PEBP4: variants seen among roughly 807,000 people sequenced by gnomAD.
PEBP4 encodes phosphatidylethanolamine binding protein 4.
PEBP4 carries 22 observed loss-of-function variants against 23.9 expected under a neutral mutation model. The observed-to-expected ratio is 0.92, with a 90% CI of 0.66 to 1.31. The LOEUF (loss-of-function observed/expected upper bound fraction) is 1.31, where lower values mean the gene tolerates loss of function less well. Among genes scored for constraint, PEBP4 ranks in the 40% most tolerant of loss-of-function variants. PEBP4 has a pLI of 0.00. For missense variants in PEBP4, 324 were observed against 281.7 expected, an observed-to-expected ratio of 1.15 and a Z score of -1.07; for synonymous variants, 112 against 99.3, an observed-to-expected ratio of 1.13 and a Z score of -0.76.
intron 3 of PEBP4, among the ~76,000 whole-genome samples, chr8:22,872,140 G>T (rs532499841): frequency 6.6e-6 from 1 of 152,262 alleles, no homozygotes; most frequent in East Asian, 1.9e-4. Flanking sequence ...GTATCCTATG[G>T]TATGTATACA....
At chr8:22,884,650 G>T (rs1402923063) in intron 3 of PEBP4, 1 of 152,144 alleles carries the variant, frequency 6.6e-6, no homozygotes, top group East Asian at 1.9e-4. Context: ...CTTGACAAAG[G>T]GCCATTTCCC....
At chr8:22,911,941 T>A (rs2128778981) in intron 3 of PEBP4, among the ~76,000 whole-genome samples, 1 of 152,272 alleles carries the variant, frequency 6.6e-6, no homozygotes, top group South Asian at 2.1e-4. Context: ...GGCTGGGAGC[T>A]TTCAGTGGAT....
intron 3 of PEBP4, among the ~76,000 whole-genome samples, chr8:22,837,183 G>A (rs914387858): frequency 6.6e-6 from 1 of 152,142 alleles, no homozygotes; most frequent in Non-Finnish European, 1.5e-5. Flanking sequence ...CTTGAGCGAG[G>A]TCTGCGCTAG....
intron 4 of PEBP4, among the ~76,000 whole-genome samples, chr8:22,764,935 G>A (rs1293079240): frequency 6.6e-6 from 1 of 152,070 alleles, no homozygotes; most frequent in Non-Finnish European, 1.5e-5. Context: ...AGGACCAGTG[G>A]GTCAGAGAGA....
chr8:22,913,985 C>CTTTT (rs1165242168), intron 3 of PEBP4, among the ~76,000 whole-genome samples: 5 of 123,120 alleles, frequency 4.1e-5, no homozygotes, highest in Non-Finnish European at 3.4e-5. Flanking sequence ...GGCCTGGCTA[C>CTTTT]TTTTTTTTTT....
chr8:22,867,750 C>T (rs1177073938), intron 3 of PEBP4, among the ~76,000 whole-genome samples: 1 of 152,184 alleles, frequency 6.6e-6, no homozygotes, highest in Non-Finnish European at 1.5e-5. Flanking sequence ...CCTTTGCTCA[C>T]GTCATTGCAT....
chr8:22,781,441 C>T (rs981381651), intron 4 of PEBP4, among the ~76,000 whole-genome samples: 1 of 152,206 alleles, frequency 6.6e-6, no homozygotes, highest in Non-Finnish European at 1.5e-5. Context: ...TGCTTAGTCA[C>T]CGCTTTTTAC....
At chr8:22,847,243 CG>C (rs1054899666) in intron 3 of PEBP4, among the ~76,000 whole-genome samples, 12 of 152,036 alleles carry the variant, frequency 7.9e-5, no homozygotes, top group African/African-American at 2.9e-4. Flanking sequence ...GGGTCAGAGC[CG>C]AAAGTCAGAT....
chr8:22,928,790 C>T (rs1809406491), upstream of PEBP4, among the ~76,000 whole-genome samples: 1 of 152,158 alleles, frequency 6.6e-6, no homozygotes, highest in South Asian at 2.1e-4. Context: ...TTCCTTTTCA[C>T]AAACAAGTAA....
Position 22,755,493 on chromosome 8 carries a change from A to G in PEBP4, c.358-28273T>C, listed in dbSNP as rs1805361787. On this transcript the variant is annotated intron_variant, in intron 4 of 6. Coordinates refer to ENST00000256404, the MANE Select transcript of PEBP4 (RefSeq NM_144962.3). ...TGGGATTACAGGTGCCCGCCACCAC[A>G]CTCAGCTAATTTTTGTATTTTTAGT... 2.0e-5 allele frequency among the ~76,000 whole-genome samples: 3 copies of G among 151,574 alleles called. No homozygotes were observed. The South Asian group carries it at 6.3e-4, about 32-fold the overall frequency.
intron 3 of PEBP4, among the ~76,000 whole-genome samples, chr8:22,862,401 C>T (rs1419939415): frequency 6.6e-6 from 1 of 151,968 alleles, no homozygotes; most frequent in Non-Finnish European, 1.5e-5. Flanking sequence ...AGTGATTCAG[C>T]GATTAATGTC....
intron 4 of PEBP4, among the ~76,000 whole-genome samples, chr8:22,796,121 C>G (rs1193267248): frequency 6.6e-6 from 1 of 152,216 alleles, no homozygotes; most frequent in Non-Finnish European, 1.5e-5. Context: ...CCTCACATTG[C>G]TGTGTTGGCG....
At chr8:22,716,148 T>C (rs28399062) in intron 6 of PEBP4, among the ~76,000 whole-genome samples, 8,350 of 152,240 alleles carry the variant, frequency 0.055, 305 homozygotes, top group African/African-American at 0.097. Context: ...GTCTGATGCC[T>C]GTCTCATGAG....
chr8:22,918,441 G>A (rs565391977), intron 3 of PEBP4, among the ~76,000 whole-genome samples: 30 of 152,280 alleles, frequency 2.0e-4, no homozygotes, highest in African/African-American at 6.5e-4. Context: ...AGGATGTGGC[G>A]TGGGTGATGT....
intron 3 of PEBP4, among the ~76,000 whole-genome samples, chr8:22,857,650 G>A (rs1409335565): frequency 6.6e-6 from 1 of 152,208 alleles, no homozygotes; most frequent in Non-Finnish European, 1.5e-5. Context: ...GGAGCAAAGA[G>A]AGTTGATTCT....
chr8:22,842,039 G>T (rs1037720016), intron 3 of PEBP4, among the ~76,000 whole-genome samples: 2 of 152,222 alleles, frequency 1.3e-5, no homozygotes, highest in African/African-American at 4.8e-5. Flanking sequence ...AAGTTACTAG[G>T]AGTACAAATG....
intron 3 of PEBP4, among the ~76,000 whole-genome samples, chr8:22,836,950 C>T (rs1563232262): frequency 6.6e-6 from 1 of 150,614 alleles, no homozygotes; most frequent in Non-Finnish European, 1.5e-5. Context: ...AAGTAGCAAT[C>T]AGACAAATAT....
intron 4 of PEBP4, among the ~76,000 whole-genome samples, chr8:22,740,944 T>C (rs1442622451): frequency 1.3e-5 from 2 of 152,064 alleles, no homozygotes; most frequent in Non-Finnish European, 1.5e-5. Context: ...TTAGCTCCTT[T>C]CCCCCAGATC....
intron 3 of PEBP4, among the ~76,000 whole-genome samples, chr8:22,889,926 T>A (rs1254464003): frequency 6.6e-6 from 1 of 152,230 alleles, no homozygotes; most frequent in Non-Finnish European, 1.5e-5. Flanking sequence ...TGCTCCAAAT[T>A]GATGCAATGT....
Sources: allele counts gnomAD v4.1 joint callset (sites outside exome capture counted in the v4.1 genomes callset), GRCh38; gene constraint gnomAD v4.1.1; transcripts MANE v1.5; gene names NCBI Gene and HGNC (gene_info 2026-07-23, HGNC 2026-07-21).